CORIN: variants seen among roughly 807,000 people sequenced by gnomAD.
CORIN encodes the protein corin, serine peptidase.
A neutral mutation model predicts 125.3 loss-of-function variants in CORIN; 117 were observed. The observed-to-expected ratio is 0.93, with a 90% CI of 0.80 to 1.09. The LOEUF is 1.09. CORIN is among the 50% of genes least tolerant of loss of function. The pLI is 0.00. For missense variants in CORIN, 1,253 were observed against 1,306.7 expected, an observed-to-expected ratio of 0.96 and a Z score of 0.63; for synonymous variants, 450 against 466.4, an observed-to-expected ratio of 0.96 and a Z score of 0.45.
intron 13 of CORIN, among the ~76,000 whole-genome samples, chr4:47,647,424 G>A (rs1723538760): frequency 6.6e-6 from 1 of 152,032 alleles, no homozygotes; most frequent in Admixed American, 6.5e-5. Flanking sequence ...AGACTACAAG[G>A]AAGAACTTCG....
chr4:47,836,388 AT>A (rs1236841179), intron 1 of CORIN, among the ~76,000 whole-genome samples: 2 of 152,246 alleles, frequency 1.3e-5, no homozygotes, highest in Non-Finnish European at 2.9e-5. Flanking sequence ...GCCAAAATTA[AT>A]TTCAAAACTA....
At chr4:47,821,472 A>C (rs1398253820) in intron 1 of CORIN, among the ~76,000 whole-genome samples, 1 of 151,368 alleles carries the variant, frequency 6.6e-6, no homozygotes, top group Non-Finnish European at 1.5e-5. Flanking sequence ...TTTAAATAAT[A>C]TGTTAATACA....
At chr4:47,835,867 T>A (rs1008410982) in intron 1 of CORIN, among the ~76,000 whole-genome samples, 4 of 152,218 alleles carry the variant, frequency 2.6e-5, no homozygotes, top group Non-Finnish European at 5.9e-5. Flanking sequence ...AGTGTCTCTG[T>A]ACCTGGATAT....
intron 4 of CORIN, among the ~76,000 whole-genome samples, chr4:47,753,432 G>A (rs368987461): frequency 1.1e-4 from 17 of 152,224 alleles, no homozygotes; most frequent in East Asian, 3.9e-4. Context: ...ACCAGGACGC[G>A]ATCTTTTCCA....
chr4:47,686,463 C>T (rs1179536667), intron 6 of CORIN, among the ~76,000 whole-genome samples: 7 of 152,146 alleles, frequency 4.6e-5, no homozygotes, highest in Non-Finnish European at 1.0e-4. Flanking sequence ...TTTTATCCCA[C>T]TCAGCAGAGG....
chr4:47,811,742 A>G (rs1195905946), intron 1 of CORIN, among the ~76,000 whole-genome samples: 1 of 152,230 alleles, frequency 6.6e-6, no homozygotes, highest in Non-Finnish European at 1.5e-5. Flanking sequence ...GGGATCAGAA[A>G]ACTAGTCTAT....
chr4:47,649,957 A>C (rs1170942450), intron 13 of CORIN, among the ~76,000 whole-genome samples: 1 of 152,204 alleles, frequency 6.6e-6, no homozygotes, highest in African/African-American at 2.4e-5. Flanking sequence ...GACTGGTAGT[A>C]TTTGGAGTGT....
At chr4:47,689,763 T>C (rs1725686826) in intron 6 of CORIN, among the ~76,000 whole-genome samples, 1 of 152,104 alleles carries the variant, frequency 6.6e-6, no homozygotes, top group Non-Finnish European at 1.5e-5. Context: ...GCCCGGTGCT[T>C]CCAAGTCTGG....
At chr4:47,718,739 G>T (rs972529656) in intron 5 of CORIN, among the ~76,000 whole-genome samples, 3 of 152,056 alleles carry the variant, frequency 2.0e-5, no homozygotes, top group Non-Finnish European at 4.4e-5. Context: ...CAGGTTGCTG[G>T]CCTGTTTCCT....
chr4:47,809,704 C>G (rs556526530), intron 1 of CORIN, among the ~76,000 whole-genome samples: 7 of 152,194 alleles, frequency 4.6e-5, no homozygotes, highest in Admixed American at 6.5e-5. Context: ...CCACGCCCAG[C>G]CAGAGAATTG....
At chr4:47,623,457 T>G in intron 19 of CORIN, 114 bp downstream of exon 19, 1 of 1,079,126 alleles carries the variant, frequency 9.3e-7, no homozygotes, top group South Asian at 1.6e-5. Flanking sequence ...GGAAGTAGAT[T>G]AGCTGTGGCT....
chr4:47,803,705 T>C lies in CORIN; in HGVS notation c.208+3198A>G, dbSNP rs150394835. Among the ~76,000 whole-genome samples, 680 of 152,274 alleles carry C rather than the reference T, an allele frequency of 4.5e-3. 8 individuals are homozygous for C. The highest frequency in any genetic ancestry group is 0.016 in the African/African-American group (671 of 41,552). On this transcript the variant is annotated intron_variant, in intron 2 of 21. Transcript: ENST00000273857. ...TCTCTCGCTATATTCAAAAATCAAA[T>C]CAAAATGGATTAAAGACTTAAATAT... is the stretch of plus-strand genomic sequence containing the variant.
chr4:47,633,997 A>G (rs1286425970), intron 16 of CORIN, among the ~76,000 whole-genome samples: 1 of 152,174 alleles, frequency 6.6e-6, no homozygotes. Flanking sequence ...TCAAAATTCA[A>G]AAAAAATTAA....
At chr4:47,629,465 T>A (rs928791637) in intron 16 of CORIN, among the ~76,000 whole-genome samples, 7 of 152,302 alleles carry the variant, frequency 4.6e-5, no homozygotes, top group South Asian at 2.1e-4. Context: ...ATGGTTTTTT[T>A]AAATAACTTT....
At position 47,645,137 on chromosome 4, in the gene CORIN, G is replaced by T. The variant is rs1723409684; in HGVS notation, c.1901C>A (p.Thr634Lys). Reference sequence around the variant, plus strand: ...GTCTGGGAACCCATCGCAGATCACTGTGTGCTTCAAACATTGTTTATTGGA... The same window carrying T: ...GTCTGGGAACCCATCGCAGATCACTTTGTGCTTCAAACATTGTTTATTGGA... ...CPSNKQCLKH[T>K]VICDGFPDCP... Residue 634 changes from threonine (T) to lysine (K), a missense_variant, in exon 14 of 22, where the codon ACA (threonine) becomes AAA (lysine). By Grantham distance (78) the Thr-to-Lys change is moderately conservative (BLOSUM62 -1). Transcript: ENST00000273857. 1 of 1,613,144 alleles carries T rather than the reference G, an allele frequency of 6.2e-7. No individual in the cohort carries two copies. The highest frequency in any genetic ancestry group is 1.3e-5 in the African/African-American group (1 of 74,892).
intron 1 of CORIN, among the ~76,000 whole-genome samples, chr4:47,825,002 C>T (rs1732680411): frequency 6.6e-6 from 1 of 152,168 alleles, no homozygotes; most frequent in South Asian, 2.1e-4. Context: ...CCAGGGCAGC[C>T]GCAGGTCCAG....
chr4:47,607,351 T>C (rs968592487), intron 19 of CORIN, among the ~76,000 whole-genome samples: 2 of 151,400 alleles, frequency 1.3e-5, no homozygotes, highest in African/African-American at 4.9e-5. Context: ...GAACTTGCAG[T>C]GAGCCCAGAT....
intron 7 of CORIN, 175 bp downstream of exon 7, chr4:47,683,556 C>T: frequency 1.9e-6 from 1 of 537,780 alleles, no homozygotes; most frequent in Non-Finnish European, 3.3e-6. Flanking sequence ...TACATTTACA[C>T]ATAAGACATT....
At chr4:47,633,322 TA>T (rs1345847803) in intron 16 of CORIN, among the ~76,000 whole-genome samples, 5 of 152,156 alleles carry the variant, frequency 3.3e-5, no homozygotes, top group African/African-American at 1.2e-4. Context: ...AACTAAAATT[TA>T]AATTTATAAA....
Sources: gnomAD v4.1 joint callset for allele counts (sites outside exome capture counted in the v4.1 genomes callset) on GRCh38, gnomAD v4.1.1 for gene constraint, MANE v1.5 for transcripts, NCBI Gene and HGNC (gene_info 2026-07-23, HGNC 2026-07-21) for gene names.